The following LMO7 variants were observed in gnomAD, a reference collection of about 807,000 sequenced individuals.
LMO7 encodes the protein LIM domain only protein 7.
LMO7 carries 120 observed loss-of-function variants against 206.5 expected under a neutral mutation model. The ratio of observed to expected loss-of-function variants is 0.58; its 90% CI spans 0.50 to 0.68. The LOEUF is 0.68. Ranked by LOEUF, LMO7 falls within the 30% of genes least tolerant of loss-of-function variation. LMO7 has a pLI of 0.00. For missense variants in LMO7, 1,959 were observed against 1,957.9 expected, an observed-to-expected ratio of 1.00 and a Z score of -0.01; for synonymous variants, 706 against 681.5, an observed-to-expected ratio of 1.04 and a Z score of -0.56.
At chr13:75,810,523 C>T (rs1305039694) in intron 11 of LMO7, among the ~76,000 whole-genome samples, 1 of 152,170 alleles carries the variant, frequency 6.6e-6, no homozygotes, top group Non-Finnish European at 1.5e-5. Context: ...CATGCAAAGG[C>T]ACATTATCCG....
At chr13:75,809,047 G>A in intron 10 of LMO7, 107 bp from the exon 11 acceptor site, 1 of 823,020 alleles carries the variant, frequency 1.2e-6, no homozygotes, top group Admixed American at 1.9e-5. Context: ...GACCTTTTGA[G>A]ATTTGTCCGT....
chr13:75,682,625 T>G (rs1384441484), intron 1 of LMO7, among the ~76,000 whole-genome samples: 1 of 152,088 alleles, frequency 6.6e-6, no homozygotes, highest in East Asian at 1.9e-4. Context: ...AAAACAGTCT[T>G]TATTTATTTA....
chr13:75,632,066 T>G (rs2035024857), upstream of LMO7: 1 of 152,228 alleles, frequency 6.6e-6, no homozygotes, highest in Non-Finnish European at 1.5e-5. Context: ...ACAATTGTAC[T>G]GTTTTACATT....
Position 75,796,656 on chromosome 13 carries a change from G to T in LMO7, c.369G>T (p.Trp123Cys), listed in dbSNP as rs886396982. 1 of 1,611,192 alleles carries T rather than the reference G, an allele frequency of 6.2e-7. No homozygotes were observed. Among genetic ancestry groups the T allele is most frequent in the Non-Finnish European group, 8.5e-7 (1 of 1,177,944 alleles). ...TTAAGGTTTTGATAACATTGTACTG[G>T]CTGGGAAGAAAAGCACAAAGCAACC... ...RVKNVLITLY[W>C]LGRKAQSNPY... The change falls in exon 6 of 31, where the codon TGG becomes TGT. Residue 123 changes from tryptophan (W) to cysteine (C), a missense_variant. Physicochemically the swap from Trp to Cys is radical, Grantham distance 215 (BLOSUM62 -2). Transcript: ENST00000377534.
chr13:75,856,675 C>A, intron 30 of LMO7, 67 bp downstream of exon 30: 1 of 902,550 alleles, frequency 1.1e-6, no homozygotes, highest in East Asian at 2.4e-5. Flanking sequence ...CATGCATTTC[C>A]CTGAACCTGC....
chr13:75,835,112 A>G (rs533858369), intron 17 of LMO7, 121 bp from the exon 18 acceptor site: 3 of 1,297,198 alleles, frequency 2.3e-6, no homozygotes, highest in South Asian at 1.8e-5. Context: ...TTCCACTTCA[A>G]CATCTATGTG....
intron 3 of LMO7, among the ~76,000 whole-genome samples, chr13:75,758,632 G>A (rs1227919252): frequency 6.6e-6 from 1 of 152,126 alleles, no homozygotes; most frequent in Non-Finnish European, 1.5e-5. Flanking sequence ...CACTTTAGAT[G>A]TCAAGTTCTT....
At chr13:75,672,605 A>C (rs1327855949) in intron 1 of LMO7, among the ~76,000 whole-genome samples, 3 of 152,162 alleles carry the variant, frequency 2.0e-5, no homozygotes, top group Non-Finnish European at 4.4e-5. Context: ...AACACTGGGC[A>C]CAGGTTGTTT....
Position 75,823,618 on chromosome 13 carries a change from A to G in LMO7, c.2694A>G (p.Pro898=). The part of the protein sequence containing the change: ...NGDVEDIKRT[P]NNVVSTPAPS... ...ATGTTGAAGACATTAAGAGAACTCC[A>G]AACAATGTGGTCAGCACCCCTGCAC... The change falls in exon 15 of 31, where the codon CCA becomes CCG. Residue 898 remains proline, a synonymous_variant. Coordinates refer to ENST00000377534, the MANE Select transcript of LMO7 (RefSeq NM_001306080.2). 6.2e-7 allele frequency: 1 copy of G among 1,614,152 alleles called. No individual in the cohort carries two copies. Among genetic ancestry groups the G allele is most frequent in the Non-Finnish European group, 8.5e-7 (1 of 1,179,996 alleles).
chr13:75,820,867 CA>C (rs2057499912), intron 13 of LMO7, among the ~76,000 whole-genome samples: 1 of 152,016 alleles, frequency 6.6e-6, no homozygotes, highest in Non-Finnish European at 1.5e-5. Flanking sequence ...TGTGGTGGCG[CA>C]TGCCCGTAAT....
chr13:75,720,467 T>C (rs938718797), intron 2 of LMO7, among the ~76,000 whole-genome samples: 1 of 152,216 alleles, frequency 6.6e-6, no homozygotes, highest in African/African-American at 2.4e-5. Flanking sequence ...TAGTTTTTGG[T>C]TTTATATTTA....
rs752695160 is a variant in LMO7, at chr13:75,727,056, C to A, written c.168C>A (p.Val56=). 6.3e-7 allele frequency: 1 copy of A among 1,589,254 alleles called. No homozygotes were observed. Among genetic ancestry groups the A allele is most frequent in the Non-Finnish European group, 8.6e-7 (1 of 1,158,274 alleles). The change falls in exon 3 of 31, where the codon GTC becomes GTA. Residue 56 remains valine (V), a synonymous_variant. Transcript: ENST00000377534. ...CDLINKLKPG[V]IKKINRLSTP... is the part of the protein sequence containing the mutation. Reference sequence around the variant, plus strand: ...TGATTAATAAGCTTAAACCTGGCGTCATTAAGAAGATCAATAGACTGTCTA... The same window carrying A: ...TGATTAATAAGCTTAAACCTGGCGTAATTAAGAAGATCAATAGACTGTCTA...
intron 4 of LMO7, among the ~76,000 whole-genome samples, chr13:75,766,960 A>G (rs1367748114): frequency 6.6e-6 from 1 of 152,152 alleles, no homozygotes; most frequent in Non-Finnish European, 1.5e-5. Context: ...TAAAAATGCA[A>G]AGCAAATCTG....
intron 1 of LMO7, among the ~76,000 whole-genome samples, chr13:75,679,778 G>T (rs2040320224): frequency 6.6e-6 from 1 of 152,154 alleles, no homozygotes; most frequent in South Asian, 2.1e-4. Context: ...AATGCAGTTT[G>T]CCATGTTTTC....
At chr13:75,663,432 C>CTTTCTTTTTTTTTTTTTTT (rs1555289857) in intron 1 of LMO7, among the ~76,000 whole-genome samples, 3 of 111,410 alleles carry the variant, frequency 2.7e-5, no homozygotes, top group Non-Finnish European at 3.5e-5. Context: ...TTCTTTCTTT[C>CTTTCTTTTTTTTTTTTTTT]TTTTTTTTTT....
intron 15 of LMO7, among the ~76,000 whole-genome samples, chr13:75,830,236 ATTTAC>A (rs1555340267): frequency 6.6e-6 from 1 of 152,142 alleles, no homozygotes; most frequent in Non-Finnish European, 1.5e-5. Flanking sequence ...TTCAGGAATA[ATTTAC>A]TGTAAGAACC....
chr13:75,833,101 T>C lies in LMO7; in HGVS notation c.3000T>C (p.Ser1000=). 5.6e-6 allele frequency: 9 copies of C among 1,612,054 alleles called. No homozygotes were observed. Among genetic ancestry groups the C allele is most frequent in the Non-Finnish European group, 7.6e-6 (9 of 1,178,424 alleles). ...GCATAAACCAGACGCCTGGGAAGAG[T>C]CTTGACTTTGGGTTTACAATAAAAT... ...RISINQTPGK[S]LDFGFTIKWD... Residue 1000 remains serine (S), a synonymous_variant, in exon 16 of 31, where the codon AGT becomes AGC. Transcript: ENST00000377534.
At chr13:75,660,642 T>C (rs1252109002) in intron 1 of LMO7, among the ~76,000 whole-genome samples, 2 of 152,216 alleles carry the variant, frequency 1.3e-5, no homozygotes, top group African/African-American at 4.8e-5. Flanking sequence ...TTGTTATTTC[T>C]GCTTTCTTTC....
chr13:75,744,342 C>T (rs2046659424), intron 3 of LMO7, among the ~76,000 whole-genome samples: 1 of 152,152 alleles, frequency 6.6e-6, no homozygotes, highest in Non-Finnish European at 1.5e-5. Context: ...AGAACACTTC[C>T]TAGAGTTCCA....
Sources: gnomAD v4.1 joint callset for allele counts (sites outside exome capture counted in the v4.1 genomes callset) on GRCh38, gnomAD v4.1.1 for gene constraint, MANE v1.5 for transcripts, NCBI Gene and HGNC (gene_info 2026-07-23, HGNC 2026-07-21) for gene names.